SOCS5: variants seen among roughly 807,000 people sequenced by gnomAD.
The protein encoded by SOCS5 is CIS-6.
SOCS5 carries 32 observed loss-of-function variants against 42.8 expected under a neutral mutation model. The observed-to-expected ratio is 0.75, with a 90% CI of 0.56 to 1.01. The LOEUF (loss-of-function observed/expected upper bound fraction) is 1.01, where lower values mean the gene tolerates loss of function less well. Ranked by LOEUF, SOCS5 falls within the 50% of genes least tolerant of loss-of-function variation. The pLI, the probability that SOCS5 is intolerant of heterozygous loss-of-function variation, is 0.00. For synonymous variants in SOCS5, 283 were observed against 229.6 expected (o/e 1.23, Z -2.10); for missense variants, 627 against 653.0 (o/e 0.96, Z 0.43).
At chr2:46,702,754 G>C (rs1056770168) in intron 1 of SOCS5, among the ~76,000 whole-genome samples, 28 of 152,176 alleles carry the variant, frequency 1.8e-4, no homozygotes, top group Non-Finnish European at 3.4e-4. Flanking sequence ...TGTAACCCAG[G>C]TCCAACTAGT....
rs368272800 is a variant in SOCS5, at chr2:46,758,624, A to G, written c.94A>G (p.Met32Val). 42 of 1,613,934 alleles carry G rather than the reference A, an allele frequency of 2.6e-5. No homozygotes were observed. The African/African-American group carries it at 5.1e-4, about 19-fold the overall frequency. The change falls in exon 2 of 2, where the codon ATG (methionine) becomes GTG (valine). Residue 32 changes from methionine to valine, a missense_variant. Transcript: ENST00000394861. ...EGGSRSENVDMNSNRCLSVKE... is the reference protein window; with the variant it reads ...EGGSRSENVDVNSNRCLSVKE... ...AGGAAGCCGTAGTGAAAATGTGGAC[A>G]TGAACTCCAACAGATGTTTGTCTGT...
rs41329944 is a variant in SOCS5 at position 46,722,263 on chromosome 2, C to A, written c.-13+22814C>A. On this transcript the variant is annotated intron_variant, in intron 1 of 1. Coordinates refer to ENST00000394861, the MANE Select transcript of SOCS5 (RefSeq NM_144949.3). ...AAGTCTCCTTCCAGCTGTCTTCATT[C>A]TCCTGTTTCACTGATGCACACATGC... 7.7e-3 allele frequency among the ~76,000 whole-genome samples: 1,172 copies of A among 152,092 alleles called. 24 individuals carry two copies. Among genetic ancestry groups the A allele is most frequent in the African/African-American group, 0.027 (1,117 of 41,488 alleles).
chr2:46,746,922 C>CTTTTTT (rs11373537), intron 1 of SOCS5, among the ~76,000 whole-genome samples: 26 of 70,792 alleles, frequency 3.7e-4, no homozygotes, highest in Non-Finnish European at 5.1e-4. Flanking sequence ...GACTTTATTT[C>CTTTTTT]TTTTTTTTTT....
chr2:46,701,813 T>G (rs1231648999), intron 1 of SOCS5, among the ~76,000 whole-genome samples: 1 of 140,872 alleles, frequency 7.1e-6, no homozygotes. Flanking sequence ...TCTATAATTT[T>G]TATGCTAAAA....
intron 1 of SOCS5, among the ~76,000 whole-genome samples, chr2:46,704,614 C>T (rs1008503447): frequency 7.9e-5 from 12 of 152,112 alleles, no homozygotes; most frequent in East Asian, 5.8e-4. Flanking sequence ...GTTTGCTTTT[C>T]GGTGGTGGTT....
chr2:46,707,790 T>C (rs956210287), intron 1 of SOCS5, among the ~76,000 whole-genome samples: 1 of 152,210 alleles, frequency 6.6e-6, no homozygotes, highest in African/African-American at 2.4e-5. Flanking sequence ...ACAATGGGGT[T>C]AGTCCTGATA....
At chr2:46,714,515 A>T (rs545038712) in intron 1 of SOCS5, among the ~76,000 whole-genome samples, 7 of 152,288 alleles carry the variant, frequency 4.6e-5, no homozygotes, top group African/African-American at 1.7e-4. Flanking sequence ...TATTTATATC[A>T]TTATACTTGA....
chr2:46,751,370 T>A (rs1191652668), intron 1 of SOCS5, among the ~76,000 whole-genome samples: 1 of 152,120 alleles, frequency 6.6e-6, no homozygotes, highest in Non-Finnish European at 1.5e-5. Flanking sequence ...CTTTTGCTAG[T>A]CTGATTCCAT....
chr2:46,734,786 C>T (rs1030979897), intron 1 of SOCS5, among the ~76,000 whole-genome samples: 2 of 152,132 alleles, frequency 1.3e-5, no homozygotes, highest in Non-Finnish European at 1.5e-5. Flanking sequence ...AAGTCTTAGT[C>T]ATTGAATAAG....
At chr2:46,703,128 A>T (rs1020367051) in intron 1 of SOCS5, among the ~76,000 whole-genome samples, 1 of 152,206 alleles carries the variant, frequency 6.6e-6, no homozygotes. Context: ...TTATTTGTAG[A>T]GTTTCATTGA....
chr2:46,746,989 G>A (rs1297611435), intron 1 of SOCS5, among the ~76,000 whole-genome samples: 1 of 137,754 alleles, frequency 7.3e-6, no homozygotes, highest in Non-Finnish European at 1.5e-5. Context: ...TCTTGTTCTG[G>A]CCATCAGTGA....
chr2:46,741,841 A>G (rs72802455), intron 1 of SOCS5, among the ~76,000 whole-genome samples: 7,350 of 152,316 alleles, frequency 0.048, 258 homozygotes, highest in Non-Finnish European at 0.08. Flanking sequence ...TAATGCTATG[A>G]TGAATATTTC....
rs779381698 is a variant in SOCS5, at chr2:46,759,772, C to G, written c.1242C>G (p.Leu414=). The change falls in exon 2 of 2, where the codon CTC becomes CTG. Residue 414 remains leucine (L), a synonymous_variant. Transcript: ENST00000394861. ...LLRDSAQEDY[L]FSVSFRRYNR... The stretch of plus-strand genomic sequence containing the variant: ...GGGACTCTGCGCAAGAGGACTACCT[C>G]TTCTCTGTGAGCTTCCGCCGCTACA... 1.9e-6 allele frequency: 3 copies of G among 1,614,184 alleles called. No homozygotes were observed.
chr2:46,728,881 AG>A (rs1673051644), intron 1 of SOCS5, among the ~76,000 whole-genome samples: 1 of 152,062 alleles, frequency 6.6e-6, no homozygotes, highest in South Asian at 2.1e-4. Context: ...TGACCCCCAA[AG>A]CTTTTCCATT....
At position 46,759,554 on chromosome 2, in the gene SOCS5, C is replaced by T; in HGVS notation, c.1024C>T (p.Gln342Ter). Residue 342 changes from glutamine (Q) to a stop codon, truncating the protein, a stop_gained, in exon 2 of 2, where the codon CAG (glutamine) becomes TAG (stop). Transcript: ENST00000394861. LOFTEE classifies it high-confidence loss of function. ...CLQSRRQKQR[Q>*]ISGDSHTHVS... Reference sequence around the variant, plus strand: ...GCAGTCACGGAGGCAGAAGCAGCGTCAGATATCTGGAGACAGCCATACCCA... The same window carrying T: ...GCAGTCACGGAGGCAGAAGCAGCGTTAGATATCTGGAGACAGCCATACCCA... The T allele has an allele frequency of 1.2e-6, 2 of 1,613,934 alleles. No individual in the cohort carries two copies. Among genetic ancestry groups the T allele is most frequent in the Non-Finnish European group, 1.7e-6 (2 of 1,179,860 alleles).
At chr2:46,711,022 A>G (rs2103696731) in intron 1 of SOCS5, among the ~76,000 whole-genome samples, 1 of 152,268 alleles carries the variant, frequency 6.6e-6, no homozygotes, top group East Asian at 1.9e-4. Context: ...TGTTCCTTTT[A>G]GTTGTAGAGT....
At chr2:46,707,063 A>G (rs1424072689) in intron 1 of SOCS5, among the ~76,000 whole-genome samples, 1 of 152,184 alleles carries the variant, frequency 6.6e-6, no homozygotes, top group African/African-American at 2.4e-5. Flanking sequence ...GACAAAGAGG[A>G]TGCAGTGAAA....
At position 46,714,419 on chromosome 2, in the gene SOCS5, G is replaced by A. The variant is rs12468866; in HGVS notation, c.-13+14970G>A. ...GTCCCCTTTATCCCAGGTAGTTTCC[G>A]TTGTTCTGAAGTCTCTGTCTGATAC... On this transcript the variant is annotated intron_variant, in intron 1 of 1. Coordinates refer to ENST00000394861, the MANE Select transcript of SOCS5 (RefSeq NM_144949.3). Among the ~76,000 whole-genome samples the A allele has an allele frequency of 1.7e-3, 260 of 152,252 alleles. 3 individuals carry two copies. Among genetic ancestry groups the A allele is most frequent in the Admixed American group, 0.011 (175 of 15,306 alleles).
chr2:46,749,284 A>G (rs539742815), intron 1 of SOCS5, among the ~76,000 whole-genome samples: 3 of 152,340 alleles, frequency 2.0e-5, no homozygotes, highest in African/African-American at 7.2e-5. Flanking sequence ...ATGAACTAAC[A>G]TGCTTTGGAT....
Sources: gnomAD v4.1 joint callset for allele counts (sites outside exome capture counted in the v4.1 genomes callset) on GRCh38, gnomAD v4.1.1 for gene constraint, MANE v1.5 for transcripts, NCBI Gene and HGNC (gene_info 2026-07-23, HGNC 2026-07-21) for gene names.